RBM33: variants seen among roughly 807,000 people sequenced by gnomAD.
RBM33 encodes the protein RNA binding motif protein 33.
A neutral mutation model predicts 132.6 loss-of-function variants in RBM33; 28 were observed. The observed-to-expected ratio is 0.21, with a 90% CI of 0.16 to 0.29. The LOEUF (loss-of-function observed/expected upper bound fraction) is 0.29. Ranked by LOEUF, RBM33 falls within the 10% of genes least tolerant of loss-of-function variation. RBM33 has a pLI of 1.00. For synonymous variants in RBM33, 634 were observed against 593.0 expected, an observed-to-expected ratio of 1.07 and a Z score of -1.01; for missense variants, 1,291 against 1,518.5, an observed-to-expected ratio of 0.85 and a Z score of 2.49.
At chr7:155,768,908 C>T (rs1254357323) in intron 16 of RBM33, among the ~76,000 whole-genome samples, 8 of 152,314 alleles carry the variant, frequency 5.3e-5, no homozygotes, top group African/African-American at 1.4e-4. Flanking sequence ...CCACCGCACC[C>T]GGCTGTCACT....
intron 9 of RBM33, among the ~76,000 whole-genome samples, chr7:155,725,597 C>T (rs1414722936): frequency 6.6e-6 from 1 of 151,996 alleles, no homozygotes; most frequent in African/African-American, 2.4e-5. Context: ...TATAGCAGGG[C>T]CAGTCATTAG....
rs192772001 is a variant in RBM33, at chr7:155,695,289, A to C, written c.568-5484A>C. Among the ~76,000 whole-genome samples the C allele has an allele frequency of 2.6e-5, 4 of 152,278 alleles. No homozygotes were observed. In the East Asian group the frequency reaches 7.7e-4, roughly 29 times the overall value. On this transcript the variant is annotated intron_variant, in intron 5 of 17. Transcript: ENST00000401878. Reference sequence around the variant, plus strand: ...TTTTCATAGGATATGCTGTCTATACATGTATTTTCTACATGTATCATCTCT... The same window carrying C: ...TTTTCATAGGATATGCTGTCTATACCTGTATTTTCTACATGTATCATCTCT...
chr7:155,761,473 T>C (rs1195702079), intron 14 of RBM33, among the ~76,000 whole-genome samples: 1 of 152,252 alleles, frequency 6.6e-6, no homozygotes, highest in Non-Finnish European at 1.5e-5. Context: ...TAATTCATTG[T>C]CTTTACTTCT....
At chr7:155,672,965 C>T in intron 3 of RBM33, 50 bp downstream of exon 3, 2 of 1,281,210 alleles carry the variant, frequency 1.6e-6, no homozygotes, top group South Asian at 1.3e-5. Flanking sequence ...TTTAATTATA[C>T]TTAACATACA....
At chr7:155,670,306 G>A (rs1798911228) in intron 2 of RBM33, among the ~76,000 whole-genome samples, 1 of 152,172 alleles carries the variant, frequency 6.6e-6, no homozygotes, top group Non-Finnish European at 1.5e-5. Flanking sequence ...TGATTTCCTA[G>A]AACACTTACT....
intron 16 of RBM33, among the ~76,000 whole-genome samples, chr7:155,770,211 A>C (rs1426263890): frequency 6.6e-6 from 1 of 152,234 alleles, no homozygotes; most frequent in Admixed American, 6.5e-5. Context: ...AATAGATGAA[A>C]ACTTGAAATG....
At chr7:155,673,768 G>GCACACACACACACACACACACA (rs369116329) in intron 3 of RBM33, among the ~76,000 whole-genome samples, 13 of 132,980 alleles carry the variant, frequency 9.8e-5, no homozygotes, top group South Asian at 2.3e-4. Flanking sequence ...GCGCATGCGC[G>GCACACACACACACACACACACA]CACACACACA....
At chr7:155,697,210 C>T (rs759483002) in intron 5 of RBM33, among the ~76,000 whole-genome samples, 21 of 151,240 alleles carry the variant, frequency 1.4e-4, no homozygotes, top group Non-Finnish European at 2.6e-4. Flanking sequence ...GGAGGAGTAT[C>T]TCCATAGATT....
In RBM33 at chr7:155,707,081, T is replaced by TCAAGCAA. The variant is rs1490021490; in HGVS notation, c.948+13_948+14insCAAGCAA. ...GCCTCCTGTCGTGGTAACTTCAGAT[T>TCAAGCAA]TTCTTGTAGTAGCCCTAGAACTTCA... On this transcript the variant is annotated intron_variant, in intron 7 of 17. Transcript: ENST00000401878. 1 of 1,530,134 alleles carries TCAAGCAA rather than the reference T, an allele frequency of 6.5e-7. No individual in the cohort carries two copies. The highest frequency in any genetic ancestry group is 2.1e-5 in the Admixed American group (1 of 47,046). The allele number at this position is 1,530,134 out of a possible 1,614,324, so 94.8% of individuals were successfully genotyped here.
chr7:155,754,734 A>T (rs1801792727), intron 14 of RBM33, among the ~76,000 whole-genome samples: 1 of 152,196 alleles, frequency 6.6e-6, no homozygotes, highest in African/African-American at 2.4e-5. Flanking sequence ...CACTTGAATA[A>T]CTGTGCCACG....
intron 14 of RBM33, among the ~76,000 whole-genome samples, chr7:155,752,861 G>T (rs962422938): frequency 6.6e-6 from 1 of 152,142 alleles, no homozygotes; most frequent in African/African-American, 2.4e-5. Flanking sequence ...ACGCACACTG[G>T]TTCGTCCTTT....
chr7:155,725,011 TGTGTGTGTG>T (rs1419795341), intron 9 of RBM33, among the ~76,000 whole-genome samples: 1 of 149,240 alleles, frequency 6.7e-6, no homozygotes, highest in Non-Finnish European at 1.5e-5. Flanking sequence ...TGTGTGTGTG[TGTGTGTGTG>T]TGTGTGTGTG....
chr7:155,732,450 A>G (rs1238137122), intron 9 of RBM33, among the ~76,000 whole-genome samples: 4 of 152,164 alleles, frequency 2.6e-5, no homozygotes, highest in African/African-American at 7.2e-5. Context: ...GCTCATTAGC[A>G]TAGTAGTGAC....
intron 14 of RBM33, among the ~76,000 whole-genome samples, chr7:155,760,412 G>A (rs957665161): frequency 2.6e-5 from 4 of 152,226 alleles, no homozygotes; most frequent in Non-Finnish European, 4.4e-5. Flanking sequence ...AGACTGTTGG[G>A]TTGCTGAGTT....
At chr7:155,658,117 T>C (rs1225390138) in intron 1 of RBM33, among the ~76,000 whole-genome samples, 3 of 152,200 alleles carry the variant, frequency 2.0e-5, no homozygotes, top group Non-Finnish European at 4.4e-5. Context: ...TTTGTCAACA[T>C]TTGCTACATC....
rs1802719593 is a variant in RBM33, at chr7:155,779,033, G to A, written c.*3992G>A. The stretch of plus-strand genomic sequence containing the variant: ...AAACATTCCTGGTGCGGTGTCTGCA[G>A]TGCCCTTTGTGGGTGACTTCAGGCT... On this transcript the variant is annotated 3_prime_UTR_variant, in exon 18 of 18. Coordinates refer to ENST00000401878, the MANE Select transcript of RBM33 (RefSeq NM_053043.3). The A allele has an allele frequency of 6.6e-6, 1 of 152,362 alleles. No individual in the cohort carries two copies. Among genetic ancestry groups the A allele is most frequent in the Non-Finnish European group, 1.5e-5 (1 of 68,086 alleles). The allele number at this position is 152,362 out of a possible 1,614,324, so 9.4% of individuals were successfully genotyped here.
At chr7:155,732,190 G>A (rs888185657) in intron 9 of RBM33, among the ~76,000 whole-genome samples, 6 of 152,214 alleles carry the variant, frequency 3.9e-5, no homozygotes, top group Admixed American at 1.3e-4. Context: ...GTGGCAGTGT[G>A]TAATTACCTG....
chr7:155,709,050 CTT>C (rs142726455), intron 7 of RBM33, among the ~76,000 whole-genome samples: 1 of 152,062 alleles, frequency 6.6e-6, no homozygotes, highest in African/African-American at 2.4e-5. Flanking sequence ...CACACGGTCT[CTT>C]TGTCTTGAGC....
At chr7:155,661,146 A>T (rs372999573) in intron 1 of RBM33, among the ~76,000 whole-genome samples, 6,877 of 81,176 alleles carry the variant, frequency 0.085, 699 homozygotes, top group African/African-American at 0.2. Flanking sequence ...ATATATATAT[A>T]TTTTTTTTTT....
Sources: gnomAD v4.1 joint callset for allele counts (sites outside exome capture counted in the v4.1 genomes callset) on GRCh38, gnomAD v4.1.1 for gene constraint, MANE v1.5 for transcripts, NCBI Gene and HGNC (gene_info 2026-07-23, HGNC 2026-07-21) for gene names.